Variants in ZNF782 observed in about 807,000 individuals in gnomAD.
The protein encoded by ZNF782 is zinc finger protein 782.
A neutral mutation model predicts 13.0 loss-of-function variants in ZNF782; 12 were observed. That is an observed-to-expected ratio of 0.92 (90% CI 0.59 to 1.50). The LOEUF is 1.50. Ranked by LOEUF, ZNF782 falls within the 40% of genes most tolerant of loss-of-function variation. The pLI, the probability that ZNF782 is intolerant of heterozygous loss-of-function variation, is 0.00. For missense variants in ZNF782, 770 were observed against 822.9 expected (o/e 0.94, Z 0.79); for synonymous variants, 284 against 283.0 (o/e 1.00, Z -0.04).
At chr9:96,857,142 CA>C (rs1407056412), upstream of ZNF782, among the ~76,000 whole-genome samples, 1 of 152,184 alleles carries the variant, frequency 6.6e-6, no homozygotes, top group Non-Finnish European at 1.5e-5. Context: ...ATCTGCCTAC[CA>C]GCTAGGTGTC....
intron 5 of ZNF782, among the ~76,000 whole-genome samples, chr9:96,823,610 T>A (rs1308372210): frequency 4.6e-5 from 7 of 152,200 alleles, no homozygotes; most frequent in Non-Finnish European, 1.0e-4. Flanking sequence ...TAGGGTAAAG[T>A]ATTCCAAGAT....
chr9:96,824,644 A>T (rs1445265281), intron 5 of ZNF782, among the ~76,000 whole-genome samples: 1 of 131,828 alleles, frequency 7.6e-6, no homozygotes, highest in Non-Finnish European at 1.6e-5. Flanking sequence ...ATGATTGTAT[A>T]TCTAGAAAAC....
In ZNF782 at chr9:96,816,487, GTTTAT is replaced by G. The variant is rs1307412943; in HGVS notation, c.*1431_*1435del. 6.6e-6 allele frequency: 1 copy of G among 152,050 alleles called. No homozygotes were observed. Among genetic ancestry groups the G allele is most frequent in the East Asian group, 1.9e-4 (1 of 5,196 alleles). 9.4% of individuals were successfully genotyped at this position (152,050 alleles called of 1,614,324 possible). On this transcript the variant is annotated 3_prime_UTR_variant, in exon 6 of 6. Transcript: ENST00000481138. ...GCAACACTGCTTTTCAGTTTATGCA[GTTTAT>G]TTTTTGTTCTTTTTAAGCTTTTTAT... is the stretch of plus-strand genomic sequence containing the variant.
the ZNF782 span, among the ~76,000 whole-genome samples, chr9:96,907,169 G>A: frequency 6.6e-6 from 1 of 151,868 alleles, no homozygotes; most frequent in African/African-American, 2.4e-5. Flanking sequence ...ACAAACGAGA[G>A]AATATTATTC....
chr9:96,821,571 T>A (rs886898705), intron 5 of ZNF782, among the ~76,000 whole-genome samples: 1 of 152,078 alleles, frequency 6.6e-6, no homozygotes, highest in African/African-American at 2.4e-5. Context: ...TAAGAAAAAA[T>A]TATCATCATT....
rs374006982 is a variant in ZNF782 at position 96,824,079 on chromosome 9, A to G, written c.244+3001T>C. 3.5e-4 allele frequency among the ~76,000 whole-genome samples: 53 copies of G among 152,174 alleles called. No homozygotes were observed. The East Asian group carries it at 6.0e-3, about 17-fold the overall frequency. On this transcript the variant is annotated intron_variant, in intron 5 of 5. Coordinates refer to ENST00000481138, the MANE Select transcript of ZNF782 (RefSeq NM_001001662.3). ...TGAGGCCAGCATCATCCTGATACCA[A>G]AGCCAGGCAGAGACACAACCAAAAA...
the ZNF782 span, chr9:96,887,342 A>AAGGAAGGAAGGAAGG: frequency 5.6e-5 from 6 of 107,632 alleles, no homozygotes; most frequent in South Asian, 6.5e-4. Flanking sequence ...AGGAAGGAAG[A>AAGGAAGGAAGGAAGG]AAGAAAGAAA....
the ZNF782 span, among the ~76,000 whole-genome samples, chr9:96,898,719 GTATT>G: frequency 6.9e-6 from 1 of 144,278 alleles, no homozygotes; most frequent in South Asian, 2.2e-4. Flanking sequence ...GCTAATTTTT[GTATT>G]TTTAGTAGAG....
At chr9:96,912,931 GCT>G in the ZNF782 span, among the ~76,000 whole-genome samples, 1 of 151,540 alleles carries the variant, frequency 6.6e-6, no homozygotes, top group Non-Finnish European at 1.5e-5. Context: ...ATTTTATTTT[GCT>G]GAGTTGTTCT....
rs1564008052 is a variant in ZNF782, at chr9:96,844,954, G to A, written c.78C>T (p.Gly26=). The A allele has an allele frequency of 6.2e-7, 1 of 1,613,986 alleles. No homozygotes were observed. Among genetic ancestry groups the A allele is most frequent in the Non-Finnish European group, 8.5e-7 (1 of 1,179,930 alleles). Residue 26 remains glycine (G), a synonymous_variant, in exon 4 of 6, where the codon GGC becomes GGT. Coordinates refer to ENST00000481138, the MANE Select transcript of ZNF782 (RefSeq NM_001001662.3). ...EFSQEEWQHM[G]PVERTLYRDV... ...CTCTGTACAGGGTCCTCTCAACAGG[G>A]CCCATGTGCTGCCACTCCTCCTGGC...
Position 96,819,459 on chromosome 9 carries a change from A to C in ZNF782, c.564T>G (p.Ala188=), listed in dbSNP as rs1205872795. The C allele has an allele frequency of 1.9e-6, 3 of 1,613,984 alleles. No homozygotes were observed. The highest frequency in any genetic ancestry group is 1.7e-4 in the Middle Eastern group (1 of 6,060). The stretch of plus-strand genomic sequence containing the variant: ...GGAGGGTTTTCACAATTTTACTATA[A>C]GCGAAAGATTTCTCTTGAGTGTTAG... ...GRTNTQEKSF[A]YSKIVKTLHH... Residue 188 remains alanine (A), a synonymous_variant, in exon 6 of 6, where the codon GCT becomes GCG. Coordinates refer to ENST00000481138, the MANE Select transcript of ZNF782 (RefSeq NM_001001662.3).
upstream of ZNF782, among the ~76,000 whole-genome samples, chr9:96,879,208 G>T (rs367881214): frequency 9.2e-5 from 14 of 152,298 alleles, no homozygotes; most frequent in African/African-American, 3.4e-4. Flanking sequence ...GGATACTTAG[G>T]CCGGGCGCAG....
chr9:96,910,207 G>A, the ZNF782 span: 8 of 764,408 alleles, frequency 1.0e-5, no homozygotes, highest in Non-Finnish European at 1.8e-5. Context: ...AGGAAAATGG[G>A]GAGCAGGAGG....
chr9:96,872,702 A>G (rs1438196250), intron 1 of ZNF782, among the ~76,000 whole-genome samples: 1 of 152,156 alleles, frequency 6.6e-6, no homozygotes, highest in Admixed American at 6.5e-5. Flanking sequence ...GTAAGACATA[A>G]TATTTGTTTT....
Position 96,817,144 on chromosome 9 carries a change from C to T in ZNF782, c.*779G>A, listed in dbSNP as rs1464697131. 1 of 152,146 alleles carries T rather than the reference C, an allele frequency of 6.6e-6. No individual in the cohort carries two copies. The highest frequency in any genetic ancestry group is 1.5e-5 in the Non-Finnish European group (1 of 68,052). The allele number at this position is 152,146 out of a possible 1,614,324, so 9.4% of individuals were successfully genotyped here. ...AGAGCCTGAGTCCCAAGGTTTTCCT[C>T]CATTCCATTCTAATGAGGGATAGAA... On this transcript the variant is annotated 3_prime_UTR_variant, in exon 6 of 6. Coordinates refer to ENST00000481138, the MANE Select transcript of ZNF782 (RefSeq NM_001001662.3).
At chr9:96,835,141 C>A (rs753875775) in intron 4 of ZNF782, among the ~76,000 whole-genome samples, 1 of 152,126 alleles carries the variant, frequency 6.6e-6, no homozygotes, top group Non-Finnish European at 1.5e-5. Flanking sequence ...GAAGGCAGAA[C>A]TTAAGAGTGG....
the ZNF782 span, among the ~76,000 whole-genome samples, chr9:96,883,623 T>C: frequency 1.3e-5 from 2 of 152,196 alleles, no homozygotes; most frequent in African/African-American, 4.8e-5. Context: ...CTCTGTGAAG[T>C]TTGAAAGGCT....
the ZNF782 span, among the ~76,000 whole-genome samples, chr9:96,881,628 T>C: frequency 3.9e-5 from 6 of 152,120 alleles, no homozygotes; most frequent in Non-Finnish European, 7.4e-5. Context: ...TTTTTTCCTC[T>C]ACAAATATCT....
the ZNF782 span, among the ~76,000 whole-genome samples, chr9:96,913,391 A>C: frequency 1.3e-5 from 2 of 152,130 alleles, no homozygotes; most frequent in East Asian, 1.9e-4. Flanking sequence ...CCAGACTAAG[A>C]ATGCAAAAGA....
Sources: gnomAD v4.1 joint callset for allele counts (sites outside exome capture counted in the v4.1 genomes callset) on GRCh38, gnomAD v4.1.1 for gene constraint, MANE v1.5 for transcripts, NCBI Gene and HGNC (gene_info 2026-07-23, HGNC 2026-07-21) for gene names.